ZPBP: variants seen among roughly 807,000 people sequenced by gnomAD.
ZPBP encodes zona pellucida binding protein, also known as zona pellucida-binding protein 1.
In ZPBP, 26 loss-of-function variants were observed where a neutral mutation model predicts 44.8. The ratio of observed to expected loss-of-function variants is 0.58; its 90% CI spans 0.43 to 0.81. ZPBP has a LOEUF of 0.81. Ranked by LOEUF, ZPBP falls within the 30% of genes least tolerant of loss-of-function variation. The pLI is 0.00. For synonymous variants in ZPBP, 174 were observed against 153.2 expected (o/e 1.14, Z -1.00); for missense variants, 409 against 434.0 (o/e 0.94, Z 0.51).
intron 6 of ZPBP, among the ~76,000 whole-genome samples, chr7:50,007,174 T>C (rs1424972711): frequency 6.6e-6 from 1 of 151,944 alleles, no homozygotes; most frequent in African/African-American, 2.4e-5. Flanking sequence ...ATTTCTAGCC[T>C]CCAGAACTGT....
intron 1 of ZPBP, among the ~76,000 whole-genome samples, chr7:49,928,417 ATC>A (rs1794325892): frequency 6.6e-6 from 1 of 152,172 alleles, no homozygotes; most frequent in Non-Finnish European, 1.5e-5. Flanking sequence ...ACTTCTAGTC[ATC>A]TCTCATTCTT....
intron 2 of ZPBP, among the ~76,000 whole-genome samples, chr7:49,885,817 G>A (rs1791879261): frequency 6.6e-6 from 1 of 152,238 alleles, no homozygotes; most frequent in African/African-American, 2.4e-5. Context: ...ACGCAGCCCT[G>A]GAGCTGAGAA....
At chr7:50,001,090 C>A (rs1229176338) in intron 6 of ZPBP, among the ~76,000 whole-genome samples, 1 of 152,144 alleles carries the variant, frequency 6.6e-6, no homozygotes, top group African/African-American at 2.4e-5. Flanking sequence ...ACACCCTGAT[C>A]GTGCTCTTCT....
chr7:50,055,351 A>G (rs1800889404), intron 4 of ZPBP, among the ~76,000 whole-genome samples: 1 of 152,220 alleles, frequency 6.6e-6, no homozygotes, highest in South Asian at 2.1e-4. Flanking sequence ...TATGTATAAT[A>G]AAATAGAATC....
intron 4 of ZPBP, among the ~76,000 whole-genome samples, chr7:50,057,148 G>A (rs1244310038): frequency 1.4e-5 from 2 of 146,944 alleles, no homozygotes; most frequent in African/African-American, 5.1e-5. Flanking sequence ...TCGCACCACT[G>A]CACACTCCAG....
intron 2 of ZPBP, among the ~76,000 whole-genome samples, chr7:49,893,704 G>A (rs1792245356): frequency 1.3e-5 from 2 of 151,790 alleles, no homozygotes; most frequent in South Asian, 4.2e-4. Flanking sequence ...ATATAAAAGG[G>A]AAATCGAAAT....
At chr7:50,022,258 A>G (rs1440147748) in intron 5 of ZPBP, among the ~76,000 whole-genome samples, 4 of 152,008 alleles carry the variant, frequency 2.6e-5, no homozygotes, top group Non-Finnish European at 5.9e-5. Flanking sequence ...TAAATATAAC[A>G]GTCAGTATTC....
In ZPBP at chr7:49,958,793, C is replaced by A. The variant is rs184421357; in HGVS notation, c.962-21171G>T. On this transcript the variant is annotated intron_variant, in intron 7 of 7. Transcript: ENST00000046087. ...TAACCCAGTGAATTCCATTAAATAT[C>A]GGAGGACAAAATAATATCAATCCTA... is the stretch of plus-strand genomic sequence containing the variant. Among the ~76,000 whole-genome samples the A allele has an allele frequency of 6.9e-4, 105 of 152,242 alleles. 1 individual carries two copies. Among genetic ancestry groups the A allele is most frequent in the Non-Finnish European group, 1.1e-3 (72 of 68,006 alleles).
chr7:49,861,624 T>C (rs1442643158), intron 2 of ZPBP, among the ~76,000 whole-genome samples: 1 of 152,262 alleles, frequency 6.6e-6, no homozygotes, highest in East Asian at 1.9e-4. Context: ...TTATGATTTT[T>C]AGATATTGCC....
At chr7:49,951,499 CT>C (rs1795341979) in intron 7 of ZPBP, among the ~76,000 whole-genome samples, 1 of 150,310 alleles carries the variant, frequency 6.7e-6, no homozygotes, top group Non-Finnish European at 1.5e-5. Context: ...CAAATAAAAA[CT>C]GAATGAGACA....
chr7:49,964,378 G>A (rs2128766282), intron 7 of ZPBP, among the ~76,000 whole-genome samples: 1 of 152,052 alleles, frequency 6.6e-6, no homozygotes, highest in Non-Finnish European at 1.5e-5. Flanking sequence ...GATTATTTAT[G>A]TATCAAATCC....
intron 3 of ZPBP, among the ~76,000 whole-genome samples, chr7:50,060,382 C>G (rs775593977): frequency 5.3e-5 from 8 of 151,980 alleles, no homozygotes; most frequent in Non-Finnish European, 7.4e-5. Context: ...GGCTGGTTTT[C>G]TGAAAGAACA....
In ZPBP at chr7:49,938,142, T is replaced by G. The variant is rs1412366552; in HGVS notation, c.962-520A>C. On this transcript the variant is annotated intron_variant, in intron 7 of 7. Coordinates refer to ENST00000046087, the MANE Select transcript of ZPBP (RefSeq NM_007009.3). The stretch of plus-strand genomic sequence containing the variant: ...GGGGGTTGGGGACCCCTGCTTTAAG[T>G]TATATAGCAGAAGCCACAAGAGGTC... Among the ~76,000 whole-genome samples, 5 of 152,088 alleles carry G rather than the reference T, an allele frequency of 3.3e-5. No homozygotes were observed. In the East Asian group the frequency reaches 9.6e-4, roughly 29 times the overall value.
In ZPBP at chr7:49,964,823, G is replaced by A. The variant is rs184172625; in HGVS notation, c.961+18519C>T. Among the ~76,000 whole-genome samples, 6 of 152,198 alleles carry A rather than the reference G, an allele frequency of 3.9e-5. No individual in the cohort carries two copies. In the East Asian group the frequency reaches 9.6e-4, roughly 24 times the overall value. On this transcript the variant is annotated intron_variant, in intron 7 of 7. Coordinates refer to ENST00000046087, the MANE Select transcript of ZPBP (RefSeq NM_007009.3). ...CTGAGTTACCTTCTCTTGAACATAA[G>A]TGGATCTTCATGGGTATGGCAGAAC...
chr7:49,966,598 C>T (rs775559547), intron 7 of ZPBP, among the ~76,000 whole-genome samples: 8 of 151,910 alleles, frequency 5.3e-5, no homozygotes, highest in Non-Finnish European at 8.8e-5. Context: ...ACCAAATGCT[C>T]AAAGAAAAAA....
At chr7:49,961,767 T>G (rs960922648) in intron 7 of ZPBP, among the ~76,000 whole-genome samples, 1 of 152,036 alleles carries the variant, frequency 6.6e-6, no homozygotes, top group East Asian at 1.9e-4. Flanking sequence ...TGGATATAAC[T>G]GAGGAGAGAG....
At chr7:50,081,268 A>G (rs558172061) in intron 3 of ZPBP, among the ~76,000 whole-genome samples, 18 of 151,778 alleles carry the variant, frequency 1.2e-4, no homozygotes, top group Non-Finnish European at 2.2e-4. Flanking sequence ...CTCTGAGGGT[A>G]TGCAAAAATG....
chr7:49,999,530 A>C (rs1208541092), intron 6 of ZPBP, among the ~76,000 whole-genome samples: 1 of 152,148 alleles, frequency 6.6e-6, no homozygotes, highest in Non-Finnish European at 1.5e-5. Context: ...ACCATCTGCA[A>C]GCTGGAGAAC....
At chr7:50,071,200 G>T (rs1801816792) in intron 3 of ZPBP, among the ~76,000 whole-genome samples, 1 of 152,114 alleles carries the variant, frequency 6.6e-6, no homozygotes, top group African/African-American at 2.4e-5. Context: ...TCTGGATACT[G>T]GGGGAGGGAG....
Sources: allele counts gnomAD v4.1 joint callset (sites outside exome capture counted in the v4.1 genomes callset), GRCh38; gene constraint gnomAD v4.1.1; transcripts MANE v1.5; gene names NCBI Gene and HGNC (gene_info 2026-07-23, HGNC 2026-07-21).